The following MAGED1 variants were observed in gnomAD, a reference collection of about 807,000 sequenced individuals.
The protein encoded by MAGED1 is melanoma-associated antigen D1.
In MAGED1, 3 loss-of-function variants were observed where a neutral mutation model predicts 54.1. The observed-to-expected ratio is 0.06, with a 90% confidence interval of 0.03 to 0.14. The LOEUF is 0.14. Ranked by LOEUF, MAGED1 falls within the 10% of genes least tolerant of loss-of-function variation. The pLI is 1.00. For missense variants in MAGED1, 485 were observed against 623.4 expected (o/e 0.78, Z 2.36); for synonymous variants, 217 against 227.3 (o/e 0.95, Z 0.41).
chrX:51,850,536 A>G (rs1466672433), intron 1 of MAGED1, among the ~76,000 whole-genome samples: 1 of 111,944 alleles, frequency 8.9e-6, no homozygotes, highest in African/African-American at 3.2e-5. Flanking sequence ...CCACTGGTCA[A>G]CACACTCAGG....
At chrX:51,813,159 G>C (rs1925291116) in intron 1 of MAGED1, among the ~76,000 whole-genome samples, 1 of 108,122 alleles carries the variant, frequency 9.2e-6, no homozygotes, top group African/African-American at 3.4e-5. Context: ...GAGTAGCTGG[G>C]ATTACAGGCA....
intron 1 of MAGED1, among the ~76,000 whole-genome samples, chrX:51,869,554 C>A (rs1245849743): frequency 1.4e-4 from 16 of 110,740 alleles, no homozygotes; most frequent in African/African-American, 5.3e-4. Flanking sequence ...GATTTTTTTT[C>A]ATTTTTAATT....
chrX:51,859,912 G>A (rs1418836504), intron 1 of MAGED1, among the ~76,000 whole-genome samples: 1 of 107,488 alleles, frequency 9.3e-6, no homozygotes, highest in African/African-American at 3.3e-5. Flanking sequence ...TCCAACCTGG[G>A]CAACAGAGTG....
At chrX:51,869,601 G>T (rs1206499894) in intron 1 of MAGED1, among the ~76,000 whole-genome samples, 10 of 110,721 alleles carry the variant, frequency 9.0e-5, no homozygotes, top group Admixed American at 8.6e-4. Context: ...GGGTGCGGTG[G>T]CTTATGCCTG....
intron 1 of MAGED1, among the ~76,000 whole-genome samples, chrX:51,848,606 T>C (rs782390604): frequency 4.5e-5 from 5 of 112,018 alleles, no homozygotes; most frequent in Non-Finnish European, 7.5e-5. Flanking sequence ...AAACAGGCAC[T>C]TACCACAAAT....
At chrX:51,826,752 C>T (rs937944753) in intron 1 of MAGED1, among the ~76,000 whole-genome samples, 1 of 112,256 alleles carries the variant, frequency 8.9e-6, no homozygotes, top group African/African-American at 3.2e-5. Context: ...AAAGATGAAG[C>T]GACAGGAGCT....
chrX:51,848,605 C>T (rs141213781), intron 1 of MAGED1, among the ~76,000 whole-genome samples: 215 of 112,041 alleles, frequency 1.9e-3, no homozygotes, highest in African/African-American at 6.5e-3. Flanking sequence ...AAAACAGGCA[C>T]TTACCACAAA....
intron 1 of MAGED1, among the ~76,000 whole-genome samples, chrX:51,815,682 C>T (rs781848621): frequency 5.5e-5 from 6 of 109,434 alleles, no homozygotes; most frequent in African/African-American, 2.0e-4. Context: ...CCACCATGCC[C>T]GGCTAATTTT....
chrX:51,897,118 C>G, intron 4 of MAGED1, 41 bp downstream of exon 4: 2 of 1,199,851 alleles, frequency 1.7e-6, no homozygotes, highest in Non-Finnish European at 2.3e-6. Context: ...CCCTCTCTTG[C>G]TCTTTTCTTT....
At chrX:51,863,782 A>G (rs1185526522) in intron 1 of MAGED1, among the ~76,000 whole-genome samples, 1 of 111,957 alleles carries the variant, frequency 8.9e-6, no homozygotes, top group Non-Finnish European at 1.9e-5. Context: ...CTTCCTTGGA[A>G]AAAATGTCTA....
chrX:51,897,428 A>G (rs782010501), intron 5 of MAGED1, 119 bp from the exon 6 acceptor site: 208 of 750,543 alleles, frequency 2.8e-4, no homozygotes, highest in Non-Finnish European at 4.0e-4. Flanking sequence ...CCTCCTTTCC[A>G]TGGTTGGCTC....
At chrX:51,807,985 A>G (rs1287825547) in intron 1 of MAGED1, among the ~76,000 whole-genome samples, 3 of 112,003 alleles carry the variant, frequency 2.7e-5, no homozygotes, top group African/African-American at 6.5e-5. Context: ...AGATCAGTTT[A>G]GGGAGCAGAT....
intron 1 of MAGED1, among the ~76,000 whole-genome samples, chrX:51,829,843 C>A (rs1557357252): frequency 9.0e-6 from 1 of 111,273 alleles, no homozygotes; most frequent in Non-Finnish European, 1.9e-5. Flanking sequence ...AAACAGTAGT[C>A]TTCATATATG....
At chrX:51,839,957 C>G (rs952421042) in intron 1 of MAGED1, among the ~76,000 whole-genome samples, 1 of 112,102 alleles carries the variant, frequency 8.9e-6, no homozygotes, top group Non-Finnish European at 1.9e-5. Flanking sequence ...GTGACCCTTT[C>G]AAGGCCTTTT....
Position 51,813,206 on chromosome X carries a change from A to G in MAGED1, c.-37+10089A>G, listed in dbSNP as rs190176094. Among the ~76,000 whole-genome samples the G allele has an allele frequency of 1.0e-4, 11 of 109,131 alleles. No homozygotes were observed. The East Asian group carries it at 2.9e-3, about 29-fold the overall frequency. 94.8% of individuals were successfully genotyped at this position (109,131 alleles called of 115,157 possible). ...GCCTGGCTAATTTTGTATTTTTAAT[A>G]GAGACGGGGTTTCTCCATGTTGGTC... On this transcript the variant is annotated intron_variant, in intron 1 of 12. Transcript: ENST00000375772.
Position 51,832,354 on chromosome X carries a change from G to A in MAGED1, c.-37+29237G>A, listed in dbSNP as rs781947883. On this transcript the variant is annotated intron_variant, in intron 1 of 12. Transcript: ENST00000375772. Reference sequence around the variant, plus strand: ...CTCCTTTAGTTATTTTTAAATATGCGATAAATTATTGTTAACTATAGTCAC... The same window carrying A: ...CTCCTTTAGTTATTTTTAAATATGCAATAAATTATTGTTAACTATAGTCAC... 3.9e-4 allele frequency among the ~76,000 whole-genome samples: 43 copies of A among 111,134 alleles called. No homozygotes were observed. In the South Asian group the frequency reaches 4.6e-3, roughly 12 times the overall value.
At chrX:51,892,922 G>A (rs1325699941), upstream of MAGED1, among the ~76,000 whole-genome samples, 1 of 111,339 alleles carries the variant, frequency 9.0e-6, no homozygotes, top group African/African-American at 3.3e-5. Context: ...TGCTGTGACA[G>A]GAAGACAAGC....
chrX:51,873,534 T>TGAGAGAGAGAGAGA (rs34476955), intron 1 of MAGED1, among the ~76,000 whole-genome samples: 1 of 90,567 alleles, frequency 1.1e-5, no homozygotes, highest in African/African-American at 4.1e-5. Context: ...TGTGTGTGTG[T>TGAGAGAGAGAGAGA]GAGAGAGAGA....
At chrX:51,858,084 A>G (rs143914830) in intron 1 of MAGED1, 37 of 112,779 alleles carry the variant, frequency 3.3e-4, no homozygotes, top group African/African-American at 1.2e-3. Flanking sequence ...TAGTTACCAC[A>G]TAATTACACG....
Sources: allele counts gnomAD v4.1 joint callset (sites outside exome capture counted in the v4.1 genomes callset), GRCh38; gene constraint gnomAD v4.1.1; transcripts MANE v1.5; gene names NCBI Gene and HGNC (gene_info 2026-07-23, HGNC 2026-07-21).